Variants in RANBP10 observed in about 807,000 individuals in gnomAD.
The protein encoded by RANBP10 is ran-binding protein 10.
A neutral mutation model predicts 72.8 loss-of-function variants in RANBP10; 24 were observed. That is an observed-to-expected ratio of 0.33 (90% CI 0.24 to 0.46). The LOEUF (loss-of-function observed/expected upper bound fraction) is 0.46, where lower values mean the gene tolerates loss of function less well. Among genes scored for constraint, RANBP10 ranks in the 20% least tolerant of loss-of-function variants. The pLI is 1.00. For missense variants in RANBP10, 679 were observed against 817.5 expected (o/e 0.83, Z 2.07); for synonymous variants, 310 against 322.3 (o/e 0.96, Z 0.41).
intron 2 of RANBP10, among the ~76,000 whole-genome samples, chr16:67,782,796 A>G (rs1224740120): frequency 6.6e-6 from 1 of 152,280 alleles, no homozygotes; most frequent in African/African-American, 2.4e-5. Flanking sequence ...CACTTTTAAG[A>G]GCCATCTCTT....
chr16:67,762,460 G>C (rs1486007108), intron 3 of RANBP10: 1 of 152,208 alleles, frequency 6.6e-6, no homozygotes, highest in African/African-American at 2.4e-5. Flanking sequence ...CAGCCGCCAG[G>C]ATGCAAATGC....
At chr16:67,768,504 G>C (rs560105678) in intron 3 of RANBP10, among the ~76,000 whole-genome samples, 10 of 151,984 alleles carry the variant, frequency 6.6e-5, no homozygotes, top group Non-Finnish European at 1.5e-4. Context: ...CTGGGTGACA[G>C]AGTGAGACTC....
At chr16:67,794,524 T>C (rs1289079195) in intron 2 of RANBP10, among the ~76,000 whole-genome samples, 3 of 133,170 alleles carry the variant, frequency 2.3e-5, no homozygotes, top group South Asian at 2.4e-4. Flanking sequence ...CAACATATTC[T>C]TTTTTTTTTT....
intron 2 of RANBP10, among the ~76,000 whole-genome samples, chr16:67,779,825 C>T (rs1043413623): frequency 1.3e-5 from 2 of 152,164 alleles, no homozygotes; most frequent in Admixed American, 6.5e-5. Flanking sequence ...TCAGGGCAAG[C>T]CAGAGAGTCA....
intron 3 of RANBP10, among the ~76,000 whole-genome samples, chr16:67,759,382 T>C (rs549897942): frequency 1.3e-5 from 2 of 152,246 alleles, no homozygotes; most frequent in African/African-American, 2.4e-5. Flanking sequence ...CATGAGCCCT[T>C]TTCCAGGCAG....
chr16:67,770,518 C>A (rs2143012310), intron 3 of RANBP10, among the ~76,000 whole-genome samples: 1 of 152,188 alleles, frequency 6.6e-6, no homozygotes, highest in African/African-American at 2.4e-5. Flanking sequence ...TTGGGGAAAG[C>A]CAGCTGCCTT....
At chr16:67,787,792 C>G (rs529866740) in intron 2 of RANBP10, among the ~76,000 whole-genome samples, 1 of 151,912 alleles carries the variant, frequency 6.6e-6, no homozygotes, top group East Asian at 1.9e-4. Flanking sequence ...ACTTGAGGCC[C>G]GGTGTCAAGA....
At chr16:67,765,535 T>A (rs986507229) in intron 3 of RANBP10, among the ~76,000 whole-genome samples, 4 of 150,406 alleles carry the variant, frequency 2.7e-5, no homozygotes, top group Admixed American at 2.0e-4. Context: ...CTCAAAAAAA[T>A]AAATAAATAA....
At chr16:67,764,079 G>A (rs2054451415) in intron 3 of RANBP10, among the ~76,000 whole-genome samples, 1 of 152,190 alleles carries the variant, frequency 6.6e-6, no homozygotes, top group South Asian at 2.1e-4. Flanking sequence ...AAATCAGGGA[G>A]ATGCAGATTA....
intron 11 of RANBP10, 113 bp from the exon 12 acceptor site, chr16:67,728,009 A>AG: frequency 8.5e-7 from 1 of 1,176,970 alleles, no homozygotes; most frequent in Non-Finnish European, 1.2e-6. Context: ...AGAGGCAGGC[A>AG]GGGCTGGGAG....
chr16:67,799,993 C>T (rs1462993607), intron 2 of RANBP10, among the ~76,000 whole-genome samples: 1 of 152,056 alleles, frequency 6.6e-6, no homozygotes, highest in Non-Finnish European at 1.5e-5. Flanking sequence ...TGGTGGTGCA[C>T]GCCTGTAGTC....
chr16:67,790,168 C>A (rs541678751), intron 2 of RANBP10, among the ~76,000 whole-genome samples: 1 of 150,134 alleles, frequency 6.7e-6, no homozygotes, highest in African/African-American at 2.5e-5. Flanking sequence ...ACCTTGAAAA[C>A]ATAATGCTAT....
chr16:67,767,513 G>A (rs1431557785), intron 3 of RANBP10, among the ~76,000 whole-genome samples: 1 of 146,636 alleles, frequency 6.8e-6, no homozygotes, highest in Admixed American at 6.8e-5. Flanking sequence ...TATAATCCCA[G>A]TACTTTAGGA....
At chr16:67,754,634 C>T (rs777445267) in intron 3 of RANBP10, among the ~76,000 whole-genome samples, 3 of 152,186 alleles carry the variant, frequency 2.0e-5, no homozygotes, top group Non-Finnish European at 4.4e-5. Context: ...GGCTTAGCCC[C>T]GGCCCCATAT....
intron 3 of RANBP10, 37 bp from the exon 4 acceptor site, chr16:67,744,492 C>T (rs765784237): frequency 6.3e-7 from 1 of 1,574,830 alleles, no homozygotes; most frequent in Non-Finnish European, 8.7e-7. Context: ...TGAGTAGGTA[C>T]TTGAGGGAGG....
chr16:67,756,540 T>C (rs1485825842), intron 3 of RANBP10, among the ~76,000 whole-genome samples: 1 of 151,908 alleles, frequency 6.6e-6, no homozygotes, highest in Non-Finnish European at 1.5e-5. Context: ...TCGTCTCTAC[T>C]AAAAATGTAA....
chr16:67,731,420 CAG>C lies in RANBP10; in HGVS notation c.889+50_889+51del, dbSNP rs767920039. On this transcript the variant is annotated intron_variant, in intron 7 of 13. Transcript: ENST00000317506. Reference sequence around the variant, plus strand: ...ACCAGGGTTGACATGAGCCAGAGAGCAGAGTTAGGGACAGGTGAGGAAGGGAA... The same window carrying C: ...ACCAGGGTTGACATGAGCCAGAGAGCAGTTAGGGACAGGTGAGGAAGGGAA... 6.1e-6 allele frequency: 9 copies of C among 1,473,584 alleles called. No individual in the cohort carries two copies. In the South Asian group the frequency reaches 1.0e-4, roughly 17 times the overall value. The allele number at this position is 1,473,584 out of a possible 1,614,324, so 91.3% of individuals were successfully genotyped here. A position where few individuals can be genotyped will look rare whatever the true frequency, so the allele number is the denominator to read the frequency against.
chr16:67,768,465 G>A (rs943340157), intron 3 of RANBP10, among the ~76,000 whole-genome samples: 2 of 152,034 alleles, frequency 1.3e-5, no homozygotes, highest in African/African-American at 4.8e-5. Flanking sequence ...AGGTTGCGGT[G>A]AGCCGAGATC....
intron 3 of RANBP10, among the ~76,000 whole-genome samples, chr16:67,768,259 G>A (rs1319845843): frequency 2.6e-5 from 4 of 151,716 alleles, no homozygotes; most frequent in African/African-American, 4.8e-5. Context: ...GGTGCCTCAC[G>A]TTGTAATCTT....
Sources: gnomAD v4.1 joint callset for allele counts (sites outside exome capture counted in the v4.1 genomes callset) on GRCh38, gnomAD v4.1.1 for gene constraint, MANE v1.5 for transcripts, NCBI Gene and HGNC (gene_info 2026-07-23, HGNC 2026-07-21) for gene names.